The following COL23A1 variants were observed in gnomAD, a reference collection of about 807,000 sequenced individuals.
The protein encoded by COL23A1 is collagen alpha-1(XXIII) chain.
A neutral mutation model predicts 99.3 loss-of-function variants in COL23A1; 97 were observed. The ratio of observed to expected loss-of-function variants is 0.98; its 90% CI spans 0.83 to 1.16. The LOEUF (loss-of-function observed/expected upper bound fraction) is 1.16, where lower values mean the gene tolerates loss of function less well. COL23A1 is among the 50% of genes most tolerant of loss of function. COL23A1 has a pLI of 0.00. For missense variants in COL23A1, 762 were observed against 757.4 expected (o/e 1.01, Z -0.07); for synonymous variants, 320 against 308.2 (o/e 1.04, Z -0.40).
At chr5:178,427,780 T>C (rs979366880) in intron 2 of COL23A1, among the ~76,000 whole-genome samples, 1 of 152,018 alleles carries the variant, frequency 6.6e-6, no homozygotes, top group African/African-American at 2.4e-5. Flanking sequence ...GGTGAAAAGA[T>C]CACTCGTTGC....
rs1763554436 is a variant in COL23A1, at chr5:178,384,375, T to C, written c.362-77456A>G. 6.6e-6 allele frequency among the ~76,000 whole-genome samples: 1 copy of C among 152,230 alleles called. No homozygotes were observed. The highest frequency in any genetic ancestry group is 2.4e-5 in the African/African-American group (1 of 41,464). ...AGGTGTTGGCTGCTCAGTCTTGACATGAGGTGAAGCCTCAGGAAAGCCCGG... is the reference window on the plus strand; with the variant it reads ...AGGTGTTGGCTGCTCAGTCTTGACACGAGGTGAAGCCTCAGGAAAGCCCGG... On this transcript the variant is annotated intron_variant, in intron 2 of 28. Transcript: ENST00000390654. This position sits in a 1 kb window ranked among gnomAD's most constrained non-coding sequence, Gnocchi z 5.5.
chr5:178,239,439 G>C (rs1764275361), intron 27 of COL23A1, among the ~76,000 whole-genome samples: 1 of 152,214 alleles, frequency 6.6e-6, no homozygotes, highest in South Asian at 2.1e-4. Flanking sequence ...CTGTGCAGTG[G>C]GCAGGAACAG....
At chr5:178,464,126 C>T (rs113553477) in intron 2 of COL23A1, among the ~76,000 whole-genome samples, 40 of 152,330 alleles carry the variant, frequency 2.6e-4, no homozygotes, top group African/African-American at 9.4e-4. Flanking sequence ...TAAGTGCATC[C>T]GCGATACCTT....
intron 2 of COL23A1, among the ~76,000 whole-genome samples, chr5:178,371,751 C>G (rs1010141650): frequency 6.6e-6 from 1 of 152,216 alleles, no homozygotes; most frequent in African/African-American, 2.4e-5. Flanking sequence ...AGCGCCTTCC[C>G]TTCCTGTCAT....
intron 2 of COL23A1, among the ~76,000 whole-genome samples, chr5:178,477,197 C>T (rs1441778125): frequency 6.6e-6 from 1 of 152,182 alleles, no homozygotes; most frequent in African/African-American, 2.4e-5. Context: ...TTTCTATTTA[C>T]TGGAAGAGGT....
intron 2 of COL23A1, among the ~76,000 whole-genome samples, chr5:178,473,887 C>T (rs1756895744): frequency 6.6e-6 from 1 of 152,102 alleles, no homozygotes; most frequent in Non-Finnish European, 1.5e-5. Context: ...ACAACCAGAC[C>T]AGATTATGAA....
At chr5:178,569,809 C>T (rs989221491) in intron 1 of COL23A1, among the ~76,000 whole-genome samples, 1 of 152,196 alleles carries the variant, frequency 6.6e-6, no homozygotes, top group African/African-American at 2.4e-5. Flanking sequence ...AGGCAGCTCA[C>T]AGTTCCCTGC....
chr5:178,479,619 C>T (rs2127949888), intron 2 of COL23A1, among the ~76,000 whole-genome samples: 1 of 152,056 alleles, frequency 6.6e-6, no homozygotes, highest in East Asian at 1.9e-4. Context: ...ATGTTAGGGA[C>T]AAGTGGAGAA....
At chr5:178,458,183 G>A (rs1489992005) in intron 2 of COL23A1, among the ~76,000 whole-genome samples, 1 of 152,296 alleles carries the variant, frequency 6.6e-6, no homozygotes, top group Non-Finnish European at 1.5e-5. Flanking sequence ...TCTGGAGGAT[G>A]CTGGGAACAA....
At chr5:178,489,847 C>T (rs1030414667) in intron 2 of COL23A1, among the ~76,000 whole-genome samples, 65 of 152,272 alleles carry the variant, frequency 4.3e-4, no homozygotes, top group African/African-American at 1.5e-3. Flanking sequence ...ATTTACAATA[C>T]CCAAGAGGTA....
rs371893757 is a variant in COL23A1 at position 178,469,028 on chromosome 5, T to C, written c.361+91654A>G. Among the ~76,000 whole-genome samples, 8 of 152,334 alleles carry C rather than the reference T, an allele frequency of 5.3e-5. No individual in the cohort carries two copies. The East Asian group carries it at 1.5e-3, about 29-fold the overall frequency. On this transcript the variant is annotated intron_variant, in intron 2 of 28. Transcript: ENST00000390654. Reference sequence around the variant, plus strand: ...TGTTTGTCCTTCTGTGTGTGGCTTATTTCACTCAGCACCATGTCCTCAAGG... The same window carrying C: ...TGTTTGTCCTTCTGTGTGTGGCTTACTTCACTCAGCACCATGTCCTCAAGG...
intron 2 of COL23A1, among the ~76,000 whole-genome samples, chr5:178,460,752 C>A (rs1408473559): frequency 6.6e-6 from 1 of 152,168 alleles, no homozygotes; most frequent in Non-Finnish European, 1.5e-5. Context: ...CATGCATGGA[C>A]ATTTTTTGGC....
Position 178,312,955 on chromosome 5 carries a change from C to T in COL23A1, c.362-6036G>A, listed in dbSNP as rs537900919. 2.2e-4 allele frequency among the ~76,000 whole-genome samples: 33 copies of T among 152,350 alleles called. No individual in the cohort carries two copies. The East Asian group carries it at 4.6e-3, about 21-fold the overall frequency. On this transcript the variant is annotated intron_variant, in intron 2 of 28. Transcript: ENST00000390654. ...AAGGTGGAAGCAACCCAAACGTCCA[C>T]GGACAGAAGAATGAGCAAACAGAAC...
intron 8 of COL23A1, among the ~76,000 whole-genome samples, chr5:178,263,977 C>T (rs7713983): frequency 0.42 from 64,030 of 151,954 alleles, 15,037 homozygotes; most frequent in East Asian, 0.63. Context: ...TACTGTGTGG[C>T]TGTATCTACG....
At chr5:178,513,729 A>G (rs1340779791) in intron 2 of COL23A1, among the ~76,000 whole-genome samples, 2 of 152,054 alleles carry the variant, frequency 1.3e-5, no homozygotes, top group Admixed American at 6.6e-5. Context: ...TGCTGCAGTA[A>G]TTGAGGGTGG....
At chr5:178,553,126 C>T (rs1762095302) in intron 2 of COL23A1, among the ~76,000 whole-genome samples, 1 of 148,758 alleles carries the variant, frequency 6.7e-6, no homozygotes. Flanking sequence ...ACCGTGACTG[C>T]ACCACTGCAC....
chr5:178,360,497 G>A (rs181155427), intron 2 of COL23A1, among the ~76,000 whole-genome samples: 10 of 152,274 alleles, frequency 6.6e-5, no homozygotes, highest in South Asian at 6.2e-4. Context: ...GGCTGCAGTC[G>A]TGCCTAGGGG....
intron 2 of COL23A1, among the ~76,000 whole-genome samples, chr5:178,461,723 T>C (rs532446422): frequency 6.6e-6 from 1 of 152,232 alleles, no homozygotes; most frequent in East Asian, 1.9e-4. Flanking sequence ...AACAGGGAGT[T>C]TGTGAGAGGA....
At chr5:178,263,552 G>A (rs892760079) in intron 8 of COL23A1, among the ~76,000 whole-genome samples, 1 of 152,244 alleles carries the variant, frequency 6.6e-6, no homozygotes, top group Non-Finnish European at 1.5e-5. Context: ...ACATGCCAAG[G>A]AATGTGCCAG....
Sources: allele counts gnomAD v4.1 joint callset (sites outside exome capture counted in the v4.1 genomes callset), GRCh38; gene constraint gnomAD v4.1.1; non-coding constraint Gnocchi (gnomAD v3.1); transcripts MANE v1.5; gene names NCBI Gene and HGNC (gene_info 2026-07-23, HGNC 2026-07-21).